The following MYBL2 variants were observed in gnomAD, a reference collection of about 807,000 sequenced individuals.
MYBL2 encodes the protein myb-related protein B.
In MYBL2, 28 loss-of-function variants were observed where a neutral mutation model predicts 79.9. The ratio of observed to expected loss-of-function variants is 0.35; its 90% CI spans 0.26 to 0.48. MYBL2 has a LOEUF of 0.48. MYBL2 is among the 20% of genes least tolerant of loss of function. MYBL2 has a pLI of 0.99. For synonymous variants in MYBL2, 378 were observed against 361.2 expected (o/e 1.05, Z -0.53); for missense variants, 735 against 893.9 (o/e 0.82, Z 2.27).
chr20:43,690,576 T>G (rs1987382903), intron 5 of MYBL2, among the ~76,000 whole-genome samples: 1 of 152,184 alleles, frequency 6.6e-6, no homozygotes, highest in Non-Finnish European at 1.5e-5. Flanking sequence ...CCCCTTACCC[T>G]ACACCTTTGC....
chr20:43,673,645 A>G (rs762945067), intron 1 of MYBL2, 161 bp from the exon 2 acceptor site: 20 of 738,484 alleles, frequency 2.7e-5, no homozygotes, highest in South Asian at 2.5e-4. Flanking sequence ...CTCAATAAAA[A>G]TAAGTGAAGC....
intron 6 of MYBL2, among the ~76,000 whole-genome samples, chr20:43,698,661 A>AT (rs1188859456): frequency 0.053 from 6,170 of 115,900 alleles, 219 homozygotes; most frequent in Non-Finnish European, 0.083. Context: ...TACAGGCGTG[A>AT]TTTTTTTTTT....
chr20:43,674,094 T>G (rs1253890779), intron 2 of MYBL2, among the ~76,000 whole-genome samples, 195 bp downstream of exon 2: 1 of 151,822 alleles, frequency 6.6e-6, no homozygotes, highest in East Asian at 1.9e-4. Context: ...ACTCAGTGGG[T>G]GGGAAGGGGA....
At chr20:43,678,001 T>C (rs1356701505) in intron 2 of MYBL2, among the ~76,000 whole-genome samples, 1 of 152,244 alleles carries the variant, frequency 6.6e-6, no homozygotes, top group Non-Finnish European at 1.5e-5. Context: ...ATCTATGATC[T>C]TACCCCCAAC....
chr20:43,684,769 C>T (rs1987227581), intron 4 of MYBL2, among the ~76,000 whole-genome samples: 2 of 150,354 alleles, frequency 1.3e-5, no homozygotes, highest in Admixed American at 1.3e-4. Flanking sequence ...CCCAGGAGTT[C>T]GAGGTTACAG....
Position 43,716,200 on chromosome 20 carries a change from C to T in MYBL2, c.*113C>T. 2 of 1,520,516 alleles carry T rather than the reference C, an allele frequency of 1.3e-6. No homozygotes were observed. Among genetic ancestry groups the T allele is most frequent in the Admixed American group, 1.9e-5 (1 of 52,232 alleles). 94.2% of individuals were successfully genotyped at this position (1,520,516 alleles called of 1,614,324 possible). ...ACCTCCTGCAGGGAGCCTTCTGCCA[C>T]CAGCCCCTCCCCAGACTCTCAGGTG... On this transcript the variant is annotated 3_prime_UTR_variant, in exon 14 of 14. Transcript: ENST00000217026.
At chr20:43,681,067 CTT>C (rs1987129989) in intron 2 of MYBL2, among the ~76,000 whole-genome samples, 1 of 152,182 alleles carries the variant, frequency 6.6e-6, no homozygotes, top group Non-Finnish European at 1.5e-5. Flanking sequence ...TGTCTGGCTT[CTT>C]TCACACATCA....
intron 4 of MYBL2, among the ~76,000 whole-genome samples, chr20:43,685,615 G>T (rs959607514): frequency 3.9e-5 from 6 of 152,164 alleles, no homozygotes; most frequent in Non-Finnish European, 8.8e-5. Context: ...AAATTAGCCA[G>T]GTGTCTTGGT....
chr20:43,704,358 G>C (rs1044528176), intron 8 of MYBL2, among the ~76,000 whole-genome samples: 1 of 152,174 alleles, frequency 6.6e-6, no homozygotes, highest in Non-Finnish European at 1.5e-5. Context: ...TATTAATACA[G>C]TCCCATTCTG....
intron 5 of MYBL2, among the ~76,000 whole-genome samples, chr20:43,688,121 T>C (rs951131642): frequency 7.9e-5 from 12 of 152,084 alleles, no homozygotes; most frequent in Non-Finnish European, 1.8e-4. Flanking sequence ...TCTTATCTTC[T>C]CTTTTTTTGA....
chr20:43,684,129 A>G (rs541874877), intron 4 of MYBL2, among the ~76,000 whole-genome samples: 2 of 151,974 alleles, frequency 1.3e-5, no homozygotes, highest in South Asian at 2.1e-4. Flanking sequence ...GTATCTCACT[A>G]TGCTGCCCAG....
chr20:43,673,600 C>A (rs1986919818), intron 1 of MYBL2: 1 of 645,664 alleles, frequency 1.5e-6, no homozygotes, highest in African/African-American at 1.8e-5. Flanking sequence ...TCATGCCACA[C>A]TGAATTCCAG....
chr20:43,711,748 T>C (rs565252883), intron 11 of MYBL2, 147 bp downstream of exon 11: 1 of 676,926 alleles, frequency 1.5e-6, no homozygotes, highest in African/African-American at 1.8e-5. Flanking sequence ...GCACGGTGGT[T>C]GTTGAGGAAA....
chr20:43,668,895 C>T (rs1986788808), intron 1 of MYBL2, among the ~76,000 whole-genome samples: 1 of 151,888 alleles, frequency 6.6e-6, no homozygotes, highest in African/African-American at 2.4e-5. Flanking sequence ...GAGACAGAGC[C>T]ACTCTGTGTT....
At chr20:43,674,224 T>TTCCCCCC (rs1555809907) in intron 2 of MYBL2, among the ~76,000 whole-genome samples, 1 of 58,204 alleles carries the variant, frequency 1.7e-5, no homozygotes, top group African/African-American at 5.3e-5. Context: ...AATCTGTAAC[T>TTCCCCCC]CCCCCCACCC....
In MYBL2 at chr20:43,710,031, C is replaced by T. The variant is rs1987871450; in HGVS notation, c.1574C>T (p.Ala525Val). 9 of 1,609,844 alleles carry T rather than the reference C, an allele frequency of 5.6e-6. No homozygotes were observed. Among genetic ancestry groups the T allele is most frequent in the Admixed American group, 1.7e-5 (1 of 59,398 alleles). ...TPHTPTPFKNALEKYGPLKPL... is the reference protein window; with the variant it reads ...TPHTPTPFKNVLEKYGPLKPL... Reference sequence around the variant, plus strand: ...CACACGCCAACCCCGTTCAAGAACGCCCTGGAGAAGTACGGACCCCTGAAG... The same window carrying T: ...CACACGCCAACCCCGTTCAAGAACGTCCTGGAGAAGTACGGACCCCTGAAG... Residue 525 changes from alanine (A) to valine (V), a missense_variant, in exon 10 of 14, where the codon GCC becomes GTC. Ala to Val is a moderately conservative substitution (Grantham distance 64, BLOSUM62 0). Transcript: ENST00000217026.
chr20:43,709,457 G>C (rs1987857560), intron 9 of MYBL2, among the ~76,000 whole-genome samples: 1 of 152,186 alleles, frequency 6.6e-6, no homozygotes, highest in Non-Finnish European at 1.5e-5. Flanking sequence ...ACCATCCTGG[G>C]TTTTTCTCTG....
chr20:43,687,604 C>T (rs903902239), intron 5 of MYBL2, among the ~76,000 whole-genome samples: 6 of 152,228 alleles, frequency 3.9e-5, no homozygotes, highest in South Asian at 4.1e-4. Context: ...TTCTTTATCT[C>T]TTTAAGTGAT....
At chr20:43,686,058 A>G (rs942144097) in intron 4 of MYBL2, among the ~76,000 whole-genome samples, 14 of 152,180 alleles carry the variant, frequency 9.2e-5, no homozygotes, top group African/African-American at 3.1e-4. Flanking sequence ...AATAAAAAAT[A>G]AAAAGTGAAA....
Sources: allele counts gnomAD v4.1 joint callset (sites outside exome capture counted in the v4.1 genomes callset), GRCh38; gene constraint gnomAD v4.1.1; transcripts MANE v1.5; gene names NCBI Gene and HGNC (gene_info 2026-07-23, HGNC 2026-07-21).